Variants in ADGRG1 observed in about 807,000 individuals in gnomAD.
The protein encoded by ADGRG1 is adhesion G protein-coupled receptor G1.
A neutral mutation model predicts 73.5 loss-of-function variants in ADGRG1; 53 were observed. The ratio of observed to expected loss-of-function variants is 0.72; its 90% CI spans 0.58 to 0.91. ADGRG1 has a LOEUF of 0.91. Ranked by LOEUF, ADGRG1 falls within the 40% of genes least tolerant of loss-of-function variation. The pLI is 0.00. For missense variants in ADGRG1, 795 were observed against 871.8 expected, an observed-to-expected ratio of 0.91 and a Z score of 1.11; for synonymous variants, 394 against 374.4, an observed-to-expected ratio of 1.05 and a Z score of -0.60.
rs1387255066 is a variant in ADGRG1, at chr16:57,628,907, AGTGTGTGAGAGT to A, written c.-36+107_-36+118del. On this transcript the variant is annotated intron_variant, in intron 1 of 13. Coordinates refer to ENST00000562631, the MANE Select transcript of ADGRG1 (RefSeq NM_201525.4). ...GTGAGAGTGTGAGTGTGTGAGTGTG[AGTGTGTGAGAGT>A]GAGTGTGAGTGTGAGTGTGAGCGTG... The A allele has an allele frequency of 1.1e-4, 93 of 823,158 alleles. 1 individual carries two copies. Among genetic ancestry groups the A allele is most frequent in the Non-Finnish European group, 1.3e-4 (91 of 716,200 alleles). The allele number at this position is 823,158 out of a possible 1,614,324, so 51.0% of individuals were successfully genotyped here.
At chr16:57,653,450 G>C in intron 4 of ADGRG1, 115 bp downstream of exon 4, 1 of 1,530,480 alleles carries the variant, frequency 6.5e-7, no homozygotes, top group East Asian at 2.3e-5. Context: ...GGACTGGAAT[G>C]CTTCTTTGAT....
chr16:57,635,805 C>G, intron 1 of ADGRG1: 1 of 985,396 alleles, frequency 1.0e-6, no homozygotes, highest in Non-Finnish European at 1.2e-6. Context: ...TCCTTTGGAT[C>G]CAGTTTTACG....
intron 3 of ADGRG1, chr16:57,652,811 G>A: frequency 9.1e-7 from 1 of 1,103,066 alleles, no homozygotes; most frequent in Admixed American, 4.8e-5. Context: ...GGGCAGAGGG[G>A]CCCGAGCCTG....
At position 57,663,621 on chromosome 16, in the gene ADGRG1, C is replaced by T. The variant is rs761927346; in HGVS notation, c.*39C>T. ...CTGCCCATGTGATGAAGCAGAGATT[C>T]GGCCTCGTCGCACACTGCCTGTGGC... On this transcript the variant is annotated 3_prime_UTR_variant, in exon 14 of 14. Coordinates refer to ENST00000562631, the MANE Select transcript of ADGRG1 (RefSeq NM_201525.4). 25 of 1,600,824 alleles carry T rather than the reference C, an allele frequency of 1.6e-5. No individual in the cohort carries two copies. The African/African-American group carries it at 2.3e-4, about 15-fold the overall frequency.
upstream of ADGRG1, among the ~76,000 whole-genome samples, chr16:57,626,265 G>A (rs2035805014): frequency 6.6e-6 from 1 of 152,176 alleles, no homozygotes; most frequent in Non-Finnish European, 1.5e-5. Context: ...AAATGAGAAT[G>A]ATCTGTACAA....
At chr16:57,662,455 C>T (rs1018226605) in intron 13 of ADGRG1, among the ~76,000 whole-genome samples, 1 of 152,140 alleles carries the variant, frequency 6.6e-6, no homozygotes, top group Non-Finnish European at 1.5e-5. Context: ...AGACCAGCAG[C>T]AGCAGCGTTG....
At chr16:57,627,679 T>G, upstream of ADGRG1, 2 of 496,316 alleles carry the variant, frequency 4.0e-6, no homozygotes, top group Non-Finnish European at 5.2e-6. Flanking sequence ...CCTTCTGGCA[T>G]TGTAAAAGCC....
upstream of ADGRG1, chr16:57,625,402 C>T (rs1245912395): frequency 6.2e-6 from 1 of 162,220 alleles, no homozygotes; most frequent in African/African-American, 2.4e-5. Context: ...TCTTCCCCCT[C>T]TCCTCGGTCC....
At chr16:57,657,527 C>A (rs776978105) in intron 10 of ADGRG1, 36 bp downstream of exon 10, 4 of 1,470,306 alleles carry the variant, frequency 2.7e-6, no homozygotes, top group Non-Finnish European at 3.8e-6. Flanking sequence ...GGGAGGGGAC[C>A]CTCCATTGCA....
intron 1 of ADGRG1, among the ~76,000 whole-genome samples, chr16:57,638,357 C>G (rs1217542648): frequency 6.6e-6 from 1 of 152,184 alleles, no homozygotes; most frequent in Non-Finnish European, 1.5e-5. Context: ...GCTAACCTTG[C>G]AGAGTGGTAG....
chr16:57,661,737 C>G lies in ADGRG1; in HGVS notation c.1705C>G (p.Leu569Val). ...RDSLVSYITNLGLFSLVFLFN... is the reference protein window; with the variant it reads ...RDSLVSYITNVGLFSLVFLFN... The stretch of plus-strand genomic sequence containing the variant: ...CTCCCTGGTCAGCTACATCACCAAC[C>G]TGGGCCTCTTCAGCCTGGTGTTTCT... Residue 569 changes from leucine to valine, a missense_variant, in exon 13 of 14, where the codon CTG becomes GTG. Coordinates refer to ENST00000562631, the MANE Select transcript of ADGRG1 (RefSeq NM_201525.4). 2 of 1,614,180 alleles carry G rather than the reference C, an allele frequency of 1.2e-6. No individual in the cohort carries two copies. The highest frequency in any genetic ancestry group is 2.2e-5 in the East Asian group (1 of 44,886).
At chr16:57,633,433 C>A (rs545761220) in intron 1 of ADGRG1, 1 of 985,234 alleles carries the variant, frequency 1.0e-6, no homozygotes, top group South Asian at 4.7e-5. Context: ...GACAGCCACA[C>A]GTCATAGGGG....
chr16:57,628,880 G>A lies in ADGRG1; in HGVS notation c.-36+78G>A. 3 of 883,124 alleles carry A rather than the reference G, an allele frequency of 3.4e-6. 1 individual carries two copies. Among genetic ancestry groups the A allele is most frequent in the Non-Finnish European group, 1.3e-6 (1 of 742,992 alleles). 54.7% of individuals were successfully genotyped at this position (883,124 alleles called of 1,614,324 possible). On this transcript the variant is annotated intron_variant, in intron 1 of 13. Coordinates refer to ENST00000562631, the MANE Select transcript of ADGRG1 (RefSeq NM_201525.4). ...AGAGTGTGAGTGTGTGAGCGTGAGT[G>A]TGTGAGAGTGTGAGTGTGTGAGTGT...
chr16:57,637,184 C>T, intron 1 of ADGRG1: 1 of 339,624 alleles, frequency 2.9e-6, no homozygotes, highest in Non-Finnish European at 4.2e-6. Context: ...AGCAGTCCTG[C>T]TGCTCCCTGA....
At chr16:57,646,275 G>A (rs894417317) in intron 1 of ADGRG1, 42 of 603,360 alleles carry the variant, frequency 7.0e-5, no homozygotes, top group Non-Finnish European at 7.9e-5. Flanking sequence ...AAAGCGAGCC[G>A]TGGGTCCCCA....
chr16:57,662,844 AG>A, intron 13 of ADGRG1: 1 of 686,504 alleles, frequency 1.5e-6, no homozygotes, highest in Non-Finnish European at 1.8e-6. Flanking sequence ...GCAGAATGGA[AG>A]GGGGTTGTAT....
At chr16:57,645,452 G>A in intron 1 of ADGRG1, 1 of 480,786 alleles carries the variant, frequency 2.1e-6, no homozygotes, top group Non-Finnish European at 2.7e-6. Flanking sequence ...AAATGCTGGG[G>A]GAGCCACAGA....
At chr16:57,621,931 C>T in intron 2 of ADGRG1, 2 of 919,434 alleles carry the variant, frequency 2.2e-6, no homozygotes, top group Non-Finnish European at 2.6e-6. Flanking sequence ...GAGGCCTCTT[C>T]TGCTGCCCTC....
intron 1 of ADGRG1, chr16:57,636,729 C>T: frequency 2.0e-6 from 2 of 982,032 alleles, no homozygotes; most frequent in Non-Finnish European, 2.4e-6. Flanking sequence ...TTCATTTACT[C>T]ATCCAGCAGT....
Sources: allele counts gnomAD v4.1 joint callset (sites outside exome capture counted in the v4.1 genomes callset), GRCh38; gene constraint gnomAD v4.1.1; transcripts MANE v1.5; gene names NCBI Gene and HGNC (gene_info 2026-07-23, HGNC 2026-07-21).